The following MAP3K9 variants were observed in gnomAD, a reference collection of about 807,000 sequenced individuals.
MAP3K9 encodes the protein mixed lineage kinase 1 (tyr and ser/thr specificity).
A neutral mutation model predicts 95.8 loss-of-function variants in MAP3K9; 46 were observed. The observed-to-expected ratio is 0.48, with a 90% CI of 0.38 to 0.61. MAP3K9 has a LOEUF of 0.61. Ranked by LOEUF, MAP3K9 falls within the 20% of genes least tolerant of loss-of-function variation. The pLI is 0.00. For synonymous variants in MAP3K9, 533 were observed against 593.8 expected, an observed-to-expected ratio of 0.90 and a Z score of 1.49; for missense variants, 1,296 against 1,474.3, an observed-to-expected ratio of 0.88 and a Z score of 1.98.
chr14:70,782,987 A>C (rs1318129126), intron 2 of MAP3K9, among the ~76,000 whole-genome samples: 1 of 152,156 alleles, frequency 6.6e-6, no homozygotes, highest in Non-Finnish European at 1.5e-5. Context: ...TGCTGGGAAA[A>C]CGCTCAAATG....
intron 9 of MAP3K9, among the ~76,000 whole-genome samples, chr14:70,735,569 G>C (rs1187312175): frequency 2.0e-5 from 3 of 152,072 alleles, no homozygotes; most frequent in African/African-American, 7.2e-5. Flanking sequence ...AGATAAGCCT[G>C]CTGCCAAACC....
intron 1 of MAP3K9, among the ~76,000 whole-genome samples, chr14:70,806,900 T>G (rs570028613): frequency 2.9e-4 from 44 of 152,338 alleles, no homozygotes; most frequent in Non-Finnish European, 4.9e-4. Context: ...TCTTCCAATA[T>G]ATGACCAAGT....
At chr14:70,791,695 T>C (rs2054809124) in intron 2 of MAP3K9, among the ~76,000 whole-genome samples, 1 of 152,220 alleles carries the variant, frequency 6.6e-6, no homozygotes, top group African/African-American at 2.4e-5. Flanking sequence ...GAAACAAAAC[T>C]TCCTCAGAGA....
At chr14:70,804,486 T>C (rs2054967993) in intron 1 of MAP3K9, among the ~76,000 whole-genome samples, 1 of 152,236 alleles carries the variant, frequency 6.6e-6, no homozygotes, top group Admixed American at 6.5e-5. Flanking sequence ...CTAGCAGCTT[T>C]TACACATATG....
At chr14:70,783,295 A>G in intron 2 of MAP3K9, 1 of 967,560 alleles carries the variant, frequency 1.0e-6, no homozygotes, top group Non-Finnish European at 1.2e-6. Flanking sequence ...CCTAAAGTAA[A>G]TTCAAATTAG....
At chr14:70,770,152 T>C (rs1427580921) in intron 2 of MAP3K9, among the ~76,000 whole-genome samples, 2 of 152,056 alleles carry the variant, frequency 1.3e-5, no homozygotes, top group African/African-American at 4.8e-5. Flanking sequence ...GTCAAGGTAA[T>C]TGCGAGAGTG....
At chr14:70,739,992 C>T (rs752509029) in intron 7 of MAP3K9, 50 bp downstream of exon 7, 1 of 1,614,158 alleles carries the variant, frequency 6.2e-7, no homozygotes. Flanking sequence ...GAGCAGGGGA[C>T]AGGTGCCCCT....
At position 70,733,067 on chromosome 14, in the gene MAP3K9, C is replaced by CA. The variant is rs1353614519; in HGVS notation, c.2301dup (p.Asp768Ter). On this transcript the variant is annotated frameshift_variant, in exon 11 of 12. Transcript: ENST00000554752. LOFTEE classifies it high-confidence loss of function. ...TGGCACTTGCCAGCTTCCAGCAAGT[C>CA]AAACCCTAGGCCTGTGGCTGCCAGA... 6.2e-7 allele frequency: 1 copy of CA among 1,614,184 alleles called. No homozygotes were observed. Among genetic ancestry groups the CA allele is most frequent in the Non-Finnish European group, 8.5e-7 (1 of 1,180,024 alleles).
chr14:70,760,458 A>T (rs2054358104), intron 3 of MAP3K9, among the ~76,000 whole-genome samples: 1 of 152,078 alleles, frequency 6.6e-6, no homozygotes, highest in African/African-American at 2.4e-5. Flanking sequence ...TGATTTCTGG[A>T]TCAATGTCAA....
intron 2 of MAP3K9, among the ~76,000 whole-genome samples, chr14:70,795,137 G>A (rs545070555): frequency 1.3e-5 from 2 of 151,514 alleles, no homozygotes; most frequent in East Asian, 1.9e-4. Context: ...GGGACTACAG[G>A]CGCATGCCAC....
At chr14:70,774,856 G>A (rs1257056216) in intron 2 of MAP3K9, among the ~76,000 whole-genome samples, 5 of 151,620 alleles carry the variant, frequency 3.3e-5, no homozygotes, top group Middle Eastern at 3.4e-3. Context: ...ATGGTGGCAC[G>A]CATCTGTAGT....
intron 2 of MAP3K9, among the ~76,000 whole-genome samples, chr14:70,774,645 C>A (rs978098491): frequency 6.7e-6 from 1 of 150,234 alleles, no homozygotes; most frequent in South Asian, 2.1e-4. Flanking sequence ...CTCTAGCCTG[C>A]GTGACAGAGA....
At position 70,763,934 on chromosome 14, in the gene MAP3K9, C is replaced by T. The variant is rs549807171; in HGVS notation, c.821-2752G>A. Among the ~76,000 whole-genome samples, 49 of 151,608 alleles carry T rather than the reference C, an allele frequency of 3.2e-4. 1 individual carries two copies. Among genetic ancestry groups the T allele is most frequent in the South Asian group, 1.9e-3 (9 of 4,784 alleles). The stretch of plus-strand genomic sequence containing the variant: ...GGCGCGGTGGCTCACGCCTGTAATC[C>T]CAGCACTTTGGGAGGCCGAGGCGGG... On this transcript the variant is annotated intron_variant, in intron 2 of 11. Coordinates refer to ENST00000554752, the MANE Select transcript of MAP3K9 (RefSeq NM_001284230.2).
intron 2 of MAP3K9, among the ~76,000 whole-genome samples, chr14:70,782,939 C>A (rs2054699879): frequency 6.6e-6 from 1 of 152,212 alleles, no homozygotes; most frequent in Non-Finnish European, 1.5e-5. Context: ...TCCTTCCCTG[C>A]TACCTGGAAG....
chr14:70,808,571 C>T (rs1006553007), intron 1 of MAP3K9, among the ~76,000 whole-genome samples, 195 bp downstream of exon 1: 2 of 152,106 alleles, frequency 1.3e-5, no homozygotes, highest in East Asian at 3.9e-4. Flanking sequence ...GAAGTGCGGG[C>T]AGGGCCTGAG....
In MAP3K9 at chr14:70,754,494, CAG is replaced by C. The variant is rs1282600168; in HGVS notation, c.1002-4415_1002-4414del. Among the ~76,000 whole-genome samples, 27 of 152,256 alleles carry C rather than the reference CAG, an allele frequency of 1.8e-4. No homozygotes were observed. In the South Asian group the frequency reaches 2.1e-3, roughly 12 times the overall value. ...ACGTTTTGCTATTGTAATTTTGAGA[CAG>C]AGTCTTGCTCTGTCGCCCAGGCTGG... is the stretch of plus-strand genomic sequence containing the variant. On this transcript the variant is annotated intron_variant, in intron 3 of 11. Coordinates refer to ENST00000554752, the MANE Select transcript of MAP3K9 (RefSeq NM_001284230.2).
At chr14:70,807,261 C>G (rs985011029) in intron 1 of MAP3K9, among the ~76,000 whole-genome samples, 1 of 152,196 alleles carries the variant, frequency 6.6e-6, no homozygotes, top group Non-Finnish European at 1.5e-5. Flanking sequence ...AAGGCCGAGG[C>G]GTGCGGATCA....
intron 2 of MAP3K9, among the ~76,000 whole-genome samples, chr14:70,786,421 T>A (rs1411785761): frequency 1.3e-5 from 2 of 152,246 alleles, no homozygotes; most frequent in Non-Finnish European, 1.5e-5. Context: ...AAAAATGTTT[T>A]TATTATTCTT....
At chr14:70,807,083 G>A (rs912025738) in intron 1 of MAP3K9, among the ~76,000 whole-genome samples, 1 of 152,222 alleles carries the variant, frequency 6.6e-6, no homozygotes, top group African/African-American at 2.4e-5. Flanking sequence ...GAGGGAGAGG[G>A]GGAACCTAAA....
Sources: allele counts gnomAD v4.1 joint callset (sites outside exome capture counted in the v4.1 genomes callset), GRCh38; gene constraint gnomAD v4.1.1; transcripts MANE v1.5; gene names NCBI Gene and HGNC (gene_info 2026-07-23, HGNC 2026-07-21).